ARHGEF10L: variants seen among roughly 807,000 people sequenced by gnomAD.
ARHGEF10L encodes rho guanine nucleotide exchange factor 10-like protein.
ARHGEF10L carries 69 observed loss-of-function variants against 141.2 expected under a neutral mutation model. The ratio of observed to expected loss-of-function variants is 0.49; its 90% CI spans 0.40 to 0.60. The LOEUF (loss-of-function observed/expected upper bound fraction) is 0.60. Ranked by LOEUF, ARHGEF10L falls within the 20% of genes least tolerant of loss-of-function variation. ARHGEF10L has a pLI of 0.00. For synonymous variants in ARHGEF10L, 711 were observed against 718.5 expected, an observed-to-expected ratio of 0.99 and a Z score of 0.17; for missense variants, 1,482 against 1,734.3, an observed-to-expected ratio of 0.85 and a Z score of 2.58.
intron 1 of ARHGEF10L, among the ~76,000 whole-genome samples, chr1:17,554,529 G>A (rs768367475): frequency 5.3e-5 from 8 of 151,734 alleles, no homozygotes; most frequent in Non-Finnish European, 1.0e-4. Flanking sequence ...CAATAGAAGG[G>A]GATTTTGGGA....
chr1:17,632,132 C>T (rs1455229807), intron 15 of ARHGEF10L, among the ~76,000 whole-genome samples, 189 bp from the exon 16 acceptor site: 2 of 152,182 alleles, frequency 1.3e-5, no homozygotes, highest in African/African-American at 2.4e-5. Flanking sequence ...GAGGAGGCCC[C>T]GATGTGTGGT....
At chr1:17,682,529 T>A (rs2102433255) in intron 26 of ARHGEF10L, among the ~76,000 whole-genome samples, 1 of 152,346 alleles carries the variant, frequency 6.6e-6, no homozygotes, top group East Asian at 1.9e-4. Context: ...GGTTCTTTTC[T>A]ATGCGGATGT....
chr1:17,683,504 GTC>G (rs1416200182), intron 26 of ARHGEF10L, among the ~76,000 whole-genome samples: 3 of 152,194 alleles, frequency 2.0e-5, no homozygotes, highest in Non-Finnish European at 2.9e-5. Context: ...ATCCTGGCAT[GTC>G]TCTCTGGCTC....
intron 26 of ARHGEF10L, among the ~76,000 whole-genome samples, chr1:17,668,745 G>A (rs1374538987): frequency 6.6e-6 from 1 of 152,214 alleles, no homozygotes. Context: ...CGCGGTGCGG[G>A]CAGCTTGCCT....
At chr1:17,647,237 C>T (rs1245535618) in intron 21 of ARHGEF10L, among the ~76,000 whole-genome samples, 1 of 152,168 alleles carries the variant, frequency 6.6e-6, no homozygotes, top group Admixed American at 6.5e-5. Context: ...GGGTGCTGCC[C>T]CCTAGCCATG....
At chr1:17,646,473 G>A (rs898608171) in intron 21 of ARHGEF10L, among the ~76,000 whole-genome samples, 6 of 152,202 alleles carry the variant, frequency 3.9e-5, no homozygotes, top group African/African-American at 1.4e-4. Flanking sequence ...GCCCTGCGTG[G>A]GTGGGTTGGG....
intron 4 of ARHGEF10L, among the ~76,000 whole-genome samples, chr1:17,592,730 T>C (rs943995883): frequency 5.9e-5 from 9 of 152,142 alleles, no homozygotes; most frequent in African/African-American, 2.2e-4. Context: ...GCCGCAGACC[T>C]AGTCTGGAGT....
At position 17,616,203 on chromosome 1, in the gene ARHGEF10L, G is replaced by A; in HGVS notation, c.835+1G>A. 1 of 1,610,954 alleles carries A rather than the reference G, an allele frequency of 6.2e-7. No individual in the cohort carries two copies. Among genetic ancestry groups the A allele is most frequent in the Non-Finnish European group, 8.5e-7 (1 of 1,178,346 alleles). On this transcript the variant is annotated splice_donor_variant, in intron 9 of 28. Transcript: ENST00000361221. LOFTEE classifies it high-confidence loss of function. ...TTCCTGCACAGGAAGGACGTCCTCG[G>A]TGAGGCGCTGCCCGAGCGGGAGGGT...
intron 27 of ARHGEF10L, among the ~76,000 whole-genome samples, chr1:17,690,668 C>T (rs2065035970): frequency 1.3e-5 from 2 of 152,216 alleles, no homozygotes; most frequent in Non-Finnish European, 2.9e-5. Context: ...GTTCCCTCTT[C>T]CCTCAGGCCT....
chr1:17,692,201 G>C (rs561536253), intron 27 of ARHGEF10L, among the ~76,000 whole-genome samples: 2 of 152,276 alleles, frequency 1.3e-5, no homozygotes, highest in South Asian at 4.2e-4. Context: ...CCCAGGTACT[G>C]TTTGTGAAAT....
At chr1:17,669,710 G>T (rs1376973602) in intron 26 of ARHGEF10L, among the ~76,000 whole-genome samples, 1 of 152,234 alleles carries the variant, frequency 6.6e-6, no homozygotes, top group Non-Finnish European at 1.5e-5. Context: ...GCCGAGGACT[G>T]TGTTGTGTTC....
In ARHGEF10L at chr1:17,664,744, A is replaced by C. The variant is rs1014388706; in HGVS notation, c.3009+149A>C. On this transcript the variant is annotated intron_variant, in intron 26 of 28. Transcript: ENST00000361221. ...TTTGTCCGGAAGCAGAGGGGGCCCA[A>C]GGTCCCTATTGGGCCTGACCTCTTC... 2 of 1,077,908 alleles carry C rather than the reference A, an allele frequency of 1.9e-6. 1 individual carries two copies. Among genetic ancestry groups the C allele is most frequent in the East Asian group, 5.8e-5 (2 of 34,426 alleles). The allele number at this position is 1,077,908 out of a possible 1,614,324, so 66.8% of individuals were successfully genotyped here.
At chr1:17,552,788 C>T (rs2077166401) in intron 1 of ARHGEF10L, among the ~76,000 whole-genome samples, 1 of 151,974 alleles carries the variant, frequency 6.6e-6, no homozygotes, top group African/African-American at 2.4e-5. Flanking sequence ...TTATAGATGA[C>T]ACAGCTAAGG....
rs2059771467 is a variant in ARHGEF10L, at chr1:17,615,765, G to A, written c.727-329G>A. 4.3e-6 allele frequency: 1 copy of A among 231,152 alleles called. No homozygotes were observed. Among genetic ancestry groups the A allele is most frequent in the East Asian group, 8.9e-5 (1 of 11,298 alleles). The allele number at this position is 231,152 out of a possible 1,614,324, so 14.3% of individuals were successfully genotyped here. A position where few individuals can be genotyped will look rare whatever the true frequency, so the allele number is the denominator to read the frequency against. The stretch of plus-strand genomic sequence containing the variant: ...CGTGCCCAGAGTCATGCCATTGGCG[G>A]GTGGCCCAGGGCTCCAGGTCTCCAG... On this transcript the variant is annotated intron_variant, in intron 8 of 28. Transcript: ENST00000361221. This position sits in a 1 kb window ranked among gnomAD's most constrained non-coding sequence, Gnocchi z 4.7.
chr1:17,593,139 A>G (rs2079726886), intron 4 of ARHGEF10L, among the ~76,000 whole-genome samples: 1 of 152,106 alleles, frequency 6.6e-6, no homozygotes, highest in Admixed American at 6.6e-5. Context: ...CATGGTATAA[A>G]TATGCCTTCA....
At chr1:17,522,078 G>C in the ARHGEF10L span, among the ~76,000 whole-genome samples, 11 of 152,130 alleles carry the variant, frequency 7.2e-5, no homozygotes, top group African/African-American at 1.9e-4. Context: ...CAGGATCTTC[G>C]ATACCACTGT....
At position 17,673,358 on chromosome 1, in the gene ARHGEF10L, G is replaced by A. The variant is rs1482312946; in HGVS notation, c.3009+8763G>A. ...CGGCAGCAGGGAGAGGGGGAGGGCA[G>A]ATGCCCAAGGGGCAGCTGCCCAGTC... On this transcript the variant is annotated intron_variant, in intron 26 of 28. Coordinates refer to ENST00000361221, the MANE Select transcript of ARHGEF10L (RefSeq NM_018125.4). This position sits in a 1 kb window ranked among gnomAD's most constrained non-coding sequence, Gnocchi z 4.1. 6.6e-6 allele frequency among the ~76,000 whole-genome samples: 1 copy of A among 152,132 alleles called. No homozygotes were observed. Among genetic ancestry groups the A allele is most frequent in the Non-Finnish European group, 1.5e-5 (1 of 68,026 alleles).
chr1:17,580,522 G>A (rs2078447443), intron 1 of ARHGEF10L, 31 bp from the exon 2 acceptor site: 2 of 1,598,728 alleles, frequency 1.3e-6, no homozygotes, highest in South Asian at 1.1e-5. Flanking sequence ...CCTGACTCCA[G>A]CTAATGCGAT....
At chr1:17,652,004 G>T (rs1047559125) in intron 22 of ARHGEF10L, among the ~76,000 whole-genome samples, 1 of 152,200 alleles carries the variant, frequency 6.6e-6, no homozygotes, top group Admixed American at 6.5e-5. Context: ...AGATGTGACT[G>T]TGTGAACCTC....
Sources: gnomAD v4.1 joint callset for allele counts (sites outside exome capture counted in the v4.1 genomes callset) on GRCh38, gnomAD v4.1.1 for gene constraint, Gnocchi (gnomAD v3.1) non-coding constraint, MANE v1.5 for transcripts, NCBI Gene and HGNC (gene_info 2026-07-23, HGNC 2026-07-21) for gene names.